AKAP6: variants seen among roughly 807,000 people sequenced by gnomAD.
AKAP6 encodes A-kinase anchor protein 6.
Under a neutral mutation model 188.5 loss-of-function variants are expected in AKAP6, and 58 were observed. That is an observed-to-expected ratio of 0.31 (90% CI 0.25 to 0.38). The LOEUF (loss-of-function observed/expected upper bound fraction) is 0.38, where lower values mean the gene tolerates loss of function less well. Among genes scored for constraint, AKAP6 ranks in the 10% least tolerant of loss-of-function variants. The pLI, the probability that AKAP6 is intolerant of heterozygous loss-of-function variation, is 1.00. For synonymous variants in AKAP6, 989 were observed against 998.6 expected (o/e 0.99, Z 0.18); for missense variants, 2,710 against 2,740.0 (o/e 0.99, Z 0.24).
At chr14:32,658,434 A>G (rs955620638) in intron 7 of AKAP6, among the ~76,000 whole-genome samples, 21 of 152,242 alleles carry the variant, frequency 1.4e-4, no homozygotes, top group African/African-American at 2.2e-4. Context: ...GTGATTTACA[A>G]CCTTGGAGAA....
At chr14:32,686,209 T>C (rs1289267274) in intron 8 of AKAP6, among the ~76,000 whole-genome samples, 1 of 104,600 alleles carries the variant, frequency 9.6e-6, no homozygotes, top group Non-Finnish European at 1.8e-5. Context: ...CATTGCATGG[T>C]CTCACTTTAT....
intron 12 of AKAP6, among the ~76,000 whole-genome samples, chr14:32,807,229 T>C (rs2034114084): frequency 6.7e-6 from 1 of 149,522 alleles, no homozygotes; most frequent in Admixed American, 6.7e-5. Context: ...AAGAGGCTGA[T>C]GGGAGAAGAT....
chr14:32,643,360 T>A (rs919371706), intron 7 of AKAP6, among the ~76,000 whole-genome samples: 2 of 151,954 alleles, frequency 1.3e-5, no homozygotes, highest in Admixed American at 1.3e-4. Flanking sequence ...CAGGCTGGAG[T>A]GCAGTGGCAT....
intron 2 of AKAP6, 45 bp downstream of exon 2, chr14:32,433,862 G>C: frequency 2.6e-6 from 4 of 1,554,670 alleles, no homozygotes; most frequent in Non-Finnish European, 3.5e-6. Flanking sequence ...GTTTTCAAAA[G>C]GCTGTGGCAC....
intron 12 of AKAP6, among the ~76,000 whole-genome samples, chr14:32,790,283 G>C (rs1046630804): frequency 1.3e-5 from 2 of 152,144 alleles, no homozygotes; most frequent in African/African-American, 4.8e-5. Flanking sequence ...ATGGAACCAA[G>C]TTGGAAAACA....
chr14:32,721,839 G>C (rs1291980682), intron 9 of AKAP6, among the ~76,000 whole-genome samples: 1 of 152,146 alleles, frequency 6.6e-6, no homozygotes, highest in Non-Finnish European at 1.5e-5. Context: ...ATCCAAAGAA[G>C]CTCAACTTTC....
At chr14:32,414,048 A>G (rs1566490266) in intron 1 of AKAP6, among the ~76,000 whole-genome samples, 1 of 151,950 alleles carries the variant, frequency 6.6e-6, no homozygotes, top group Admixed American at 6.6e-5. Flanking sequence ...TAGATGGTAA[A>G]TAAAATGAGA....
intron 5 of AKAP6, among the ~76,000 whole-genome samples, chr14:32,579,985 G>T (rs1884894393): frequency 6.6e-6 from 1 of 151,990 alleles, no homozygotes; most frequent in African/African-American, 2.4e-5. Context: ...AGCCTCTAGG[G>T]TCTGAGTCTT....
Position 32,701,459 on chromosome 14 carries a change from G to A in AKAP6, c.3000+5349G>A, listed in dbSNP as rs377098940. ...AGAAATTTTGTTTTGATACTTAGAT[G>A]TGAAAACATTTTCTTTTAGGATTTT... On this transcript the variant is annotated intron_variant, in intron 9 of 13. Transcript: ENST00000280979. Among the ~76,000 whole-genome samples the A allele has an allele frequency of 1.9e-4, 29 of 152,188 alleles. No homozygotes were observed. The East Asian group carries it at 4.2e-3, about 22-fold the overall frequency.
chr14:32,628,227 C>T (rs559887909), intron 7 of AKAP6: 11 of 151,824 alleles, frequency 7.2e-5, no homozygotes, highest in African/African-American at 1.9e-4. Flanking sequence ...TGGTAATGAC[C>T]GTAGCAGTCA....
chr14:32,493,684 T>C (rs1326440447), intron 2 of AKAP6, among the ~76,000 whole-genome samples: 3 of 152,094 alleles, frequency 2.0e-5, no homozygotes, highest in African/African-American at 7.2e-5. Context: ...TGGGAGTTGG[T>C]TGGGGGTAGC....
rs780673509 is a variant in AKAP6 at position 32,821,544 on chromosome 14, C to T, written c.3731C>T (p.Pro1244Leu). The T allele has an allele frequency of 1.2e-5, 20 of 1,613,582 alleles. No individual in the cohort carries two copies. The highest frequency in any genetic ancestry group is 2.7e-5 in the African/African-American group (2 of 74,850). The part of the protein sequence containing the change: ...ESNDLDQELQ[P>L]VIPSLKLGET... ...AATGACCTTGATCAAGAACTCCAAC[C>T]TGTTATCCCTTCCTTGAAGCTTGGA... is the stretch of plus-strand genomic sequence containing the variant. Residue 1244 changes from proline (P) to leucine (L), a missense_variant, in exon 13 of 14, where the codon CCT (proline) becomes CTT (leucine). Around this residue, in one of 2 missense-constraint regions of AKAP6, gnomAD observed 2,473 missense variants for 2,426.1 expected, o/e 1.02. Transcript: ENST00000280979.
At chr14:32,645,045 C>T (rs933366415) in intron 7 of AKAP6, among the ~76,000 whole-genome samples, 3 of 152,116 alleles carry the variant, frequency 2.0e-5, no homozygotes, top group African/African-American at 7.2e-5. Context: ...ATCATCTTTG[C>T]TATAAAACAT....
chr14:32,602,839 C>A (rs940563616), intron 7 of AKAP6, among the ~76,000 whole-genome samples: 47 of 152,168 alleles, frequency 3.1e-4, no homozygotes, highest in African/African-American at 1.1e-3. Flanking sequence ...GAGCTGGGAG[C>A]CCTTTGATCG....
At chr14:32,628,726 A>C (rs185420104) in intron 7 of AKAP6, among the ~76,000 whole-genome samples, 1 of 151,944 alleles carries the variant, frequency 6.6e-6, no homozygotes, top group Non-Finnish European at 1.5e-5. Context: ...CTGCAACTCA[A>C]TGGAAATAGA....
intron 7 of AKAP6, among the ~76,000 whole-genome samples, chr14:32,669,126 T>C (rs1329285672): frequency 6.6e-6 from 1 of 152,188 alleles, no homozygotes; most frequent in African/African-American, 2.4e-5. Context: ...TGAGGGTTGA[T>C]ACTGTGTCTG....
At chr14:32,718,019 A>G (rs922334756) in intron 9 of AKAP6, among the ~76,000 whole-genome samples, 3 of 152,138 alleles carry the variant, frequency 2.0e-5, no homozygotes, top group African/African-American at 4.8e-5. Context: ...TATTTACATT[A>G]TACTCTTAGG....
chr14:32,765,300 G>A (rs1020658152), intron 11 of AKAP6, among the ~76,000 whole-genome samples: 3 of 152,164 alleles, frequency 2.0e-5, no homozygotes, highest in Non-Finnish European at 2.9e-5. Context: ...TGGTTCAGAT[G>A]CATATAGTCG....
At chr14:32,501,142 A>G (rs1055946382) in intron 2 of AKAP6, among the ~76,000 whole-genome samples, 1 of 152,222 alleles carries the variant, frequency 6.6e-6, no homozygotes, top group African/African-American at 2.4e-5. Flanking sequence ...AAGTAAAAAC[A>G]CAATAAATTT....
Sources: allele counts gnomAD v4.1 joint callset (sites outside exome capture counted in the v4.1 genomes callset), GRCh38; gene constraint gnomAD v4.1.1; regional missense constraint gnomAD v4.1.1; transcripts MANE v1.5; gene names NCBI Gene and HGNC (gene_info 2026-07-23, HGNC 2026-07-21).